Variants in NUP93 observed in about 807,000 individuals in gnomAD.
NUP93 encodes nucleoporin 93, also known as nuclear pore complex protein Nup93.
NUP93 carries 55 observed loss-of-function variants against 107.8 expected under a neutral mutation model. The observed-to-expected ratio is 0.51, with a 90% CI of 0.41 to 0.64. The LOEUF is 0.64. Among genes scored for constraint, NUP93 ranks in the 30% least tolerant of loss-of-function variants. The probability of loss-of-function intolerance (pLI) is 0.00; values close to 1 mark genes in which losing one functional copy is unlikely to be tolerated. For synonymous variants in NUP93, 390 were observed against 397.5 expected (o/e 0.98, Z 0.22); for missense variants, 937 against 1,044.7 (o/e 0.90, Z 1.42).
chr16:56,746,810 TGA>T (rs1459628825), intron 1 of NUP93, among the ~76,000 whole-genome samples: 1 of 152,212 alleles, frequency 6.6e-6, no homozygotes, highest in African/African-American at 2.4e-5. Flanking sequence ...CTTGGGAGAC[TGA>T]GGCATGAGAA....
Position 56,849,291 on chromosome 16 carries a change from G to A in NUP93, c.*4682G>A, listed in dbSNP as rs1964150514. On this transcript the variant is annotated 3_prime_UTR_variant, in exon 22 of 22. Transcript: ENST00000308159. ...CAGCAGCAGGGAAACATTGAGAAGG[G>A]GGTGGAAATTTGATGTACTGTGAAT... The A allele has an allele frequency of 1.3e-5, 2 of 152,378 alleles. No individual in the cohort carries two copies. Among genetic ancestry groups the A allele is most frequent in the African/African-American group, 4.8e-5 (2 of 41,568 alleles). 9.4% of individuals were successfully genotyped at this position (152,378 alleles called of 1,614,324 possible). A position where few individuals can be genotyped will look rare whatever the true frequency, so the allele number is the denominator to read the frequency against.
intron 21 of NUP93, among the ~76,000 whole-genome samples, chr16:56,843,173 C>T (rs78074775): frequency 0.042 from 6,436 of 152,320 alleles, 212 homozygotes; most frequent in African/African-American, 0.084. Context: ...CTGCCTACCC[C>T]GGACAGATAG....
At chr16:56,838,840 C>T (rs989042896) in intron 18 of NUP93, 112 bp from the exon 19 acceptor site, 5 of 757,448 alleles carry the variant, frequency 6.6e-6, no homozygotes, top group Non-Finnish European at 1.1e-5. Context: ...GCTGAGATTA[C>T]AGGCATGAGC....
intron 1 of NUP93, among the ~76,000 whole-genome samples, chr16:56,735,723 G>A (rs1961600379): frequency 6.6e-6 from 1 of 152,026 alleles, no homozygotes; most frequent in Non-Finnish European, 1.5e-5. Context: ...AGTTACTCGG[G>A]AGGCTGAGGC....
chr16:56,790,784 T>C (rs1962743749), intron 3 of NUP93, among the ~76,000 whole-genome samples: 2 of 152,230 alleles, frequency 1.3e-5, no homozygotes, highest in Non-Finnish European at 2.9e-5. Flanking sequence ...GTACTAACTT[T>C]AGTACCAACT....
At chr16:56,806,117 G>A (rs1963133152) in intron 5 of NUP93, among the ~76,000 whole-genome samples, 1 of 149,728 alleles carries the variant, frequency 6.7e-6, no homozygotes, top group South Asian at 2.2e-4. Context: ...GTCCAGAATT[G>A]AGTCATGATA....
At chr16:56,832,074 T>C in intron 11 of NUP93, 67 bp downstream of exon 11, 1 of 1,563,086 alleles carries the variant, frequency 6.4e-7, no homozygotes, top group Non-Finnish European at 8.8e-7. Flanking sequence ...CCCGCAAAGA[T>C]TTTACCTGCT....
chr16:56,766,916 TC>T (rs1962225852), intron 3 of NUP93, among the ~76,000 whole-genome samples: 2 of 152,224 alleles, frequency 1.3e-5, no homozygotes, highest in Non-Finnish European at 2.9e-5. Flanking sequence ...ATGGGTAACA[TC>T]CCCTACTGAC....
rs1423503740 is a variant in NUP93 at position 56,834,225 on chromosome 16, G to A, written c.1635G>A (p.Arg545=). 2 of 1,614,146 alleles carry A rather than the reference G, an allele frequency of 1.2e-6. No individual in the cohort carries two copies. Among genetic ancestry groups the A allele is most frequent in the Non-Finnish European group, 1.7e-6 (2 of 1,180,032 alleles). Residue 545 remains arginine, a synonymous_variant, in exon 14 of 22, where the codon AGG becomes AGA. Transcript: ENST00000308159. ...GGAAGTTTGAGTCCACGGACCCAAG[G>A]GAGGCCCTCCAGTACTTCTATTTCC... The part of the protein sequence containing the change: ...YTRKFESTDP[R]EALQYFYFLR...
At chr16:56,843,123 T>C (rs1964059066) in intron 21 of NUP93, among the ~76,000 whole-genome samples, 1 of 152,218 alleles carries the variant, frequency 6.6e-6, no homozygotes, top group African/African-American at 2.4e-5. Flanking sequence ...ACTGAAGCGG[T>C]CAGCCCATCC....
Position 56,836,591 on chromosome 16 carries a change from G to T in NUP93, c.1783-10G>T, listed in dbSNP as rs1264460394. The T allele has an allele frequency of 1.3e-6, 2 of 1,542,682 alleles. No individual in the cohort carries two copies. The highest frequency in any genetic ancestry group is 3.4e-5 in the Admixed American group (2 of 59,350). ...CTCTCTTCCTCCCCCTCCATAATTT[G>T]TCTTGTCAGCCTGGAGTCATAGATA... On this transcript the variant is annotated splice_polypyrimidine_tract_variant and intron_variant, in intron 16 of 21. Coordinates refer to ENST00000308159, the MANE Select transcript of NUP93 (RefSeq NM_014669.5).
chr16:56,811,731 A>G (rs1963320148), intron 5 of NUP93, among the ~76,000 whole-genome samples: 3 of 152,154 alleles, frequency 2.0e-5, no homozygotes, highest in Admixed American at 2.0e-4. Flanking sequence ...TCTGTTTCCC[A>G]AAGTGCTGTG....
chr16:56,792,133 T>C (rs1040743381), intron 3 of NUP93, among the ~76,000 whole-genome samples: 6 of 152,194 alleles, frequency 3.9e-5, no homozygotes, highest in African/African-American at 1.4e-4. Flanking sequence ...TGAGCTGTGA[T>C]TGTGCCACTT....
At chr16:56,839,710 T>A in intron 20 of NUP93, 106 bp downstream of exon 20, 1 of 905,110 alleles carries the variant, frequency 1.1e-6, no homozygotes, top group Non-Finnish European at 1.8e-6. Context: ...TTACAGTAAC[T>A]ATCCAGACTG....
At chr16:56,790,008 A>G (rs1216007720) in intron 3 of NUP93, among the ~76,000 whole-genome samples, 1 of 152,176 alleles carries the variant, frequency 6.6e-6, no homozygotes, top group Non-Finnish European at 1.5e-5. Context: ...GAGGCAGGAG[A>G]ATTGCTTGAA....
chr16:56,794,073 G>A (rs1962830116), intron 3 of NUP93, among the ~76,000 whole-genome samples: 1 of 55,638 alleles, frequency 1.8e-5, no homozygotes, highest in African/African-American at 8.2e-5. Flanking sequence ...TAGATAGATA[G>A]GTAGGTAGGT....
chr16:56,787,373 G>A (rs569168061), intron 3 of NUP93, among the ~76,000 whole-genome samples: 1 of 152,296 alleles, frequency 6.6e-6, no homozygotes, highest in African/African-American at 2.4e-5. Flanking sequence ...TACCAGCAGG[G>A]AAATGTGAGA....
Position 56,821,546 on chromosome 16 carries a change from C to T in NUP93, c.607C>T (p.Pro203Ser). Residue 203 changes from proline to serine, a missense_variant, in exon 7 of 22, where the codon CCT becomes TCT. By Grantham distance (74) the Pro-to-Ser change is moderately conservative. Transcript: ENST00000308159. ...NEKIVNGHLQ[P>S]NLVDLCASVA... is the part of the protein sequence containing the mutation. ...GAAAATTGTAAATGGACACCTGCAG[C>T]CTAACCTGGTGGACCTTTGTGCTTC... The T allele has an allele frequency of 6.2e-7, 1 of 1,613,424 alleles. No homozygotes were observed. Among genetic ancestry groups the T allele is most frequent in the Non-Finnish European group, 8.5e-7 (1 of 1,179,468 alleles).
chr16:56,776,033 A>G (rs1962410164), intron 3 of NUP93, among the ~76,000 whole-genome samples: 1 of 149,278 alleles, frequency 6.7e-6, no homozygotes, highest in African/African-American at 2.5e-5. Context: ...ATATCCTTGC[A>G]TATACTTTTA....
Sources: gnomAD v4.1 joint callset for allele counts (sites outside exome capture counted in the v4.1 genomes callset) on GRCh38, gnomAD v4.1.1 for gene constraint, MANE v1.5 for transcripts, NCBI Gene and HGNC (gene_info 2026-07-23, HGNC 2026-07-21) for gene names.